Variants in SMYD3 observed in about 807,000 individuals in gnomAD.
SMYD3 encodes the protein histone-lysine N-methyltransferase SMYD3.
In SMYD3, 36 loss-of-function variants were observed where a neutral mutation model predicts 57.7. The ratio of observed to expected loss-of-function variants is 0.62; its 90% confidence interval spans 0.48 to 0.82. The LOEUF is 0.82. Among genes scored for constraint, SMYD3 ranks in the 40% least tolerant of loss-of-function variants. SMYD3 has a pLI of 0.00. For synonymous variants in SMYD3, 211 were observed against 195.0 expected, an observed-to-expected ratio of 1.08 and a Z score of -0.68; for missense variants, 515 against 538.8, an observed-to-expected ratio of 0.96 and a Z score of 0.44.
intron 5 of SMYD3, among the ~76,000 whole-genome samples, chr1:246,272,121 G>A (rs1209648957): frequency 6.6e-6 from 1 of 152,148 alleles, no homozygotes; most frequent in African/African-American, 2.4e-5. Context: ...GGATTTTTGT[G>A]TATTCACGTT....
rs371607928 is a variant in SMYD3, at chr1:246,320,118, G to A, written c.531+7083C>T. ...CGTATTGTGAATTGGTAAGATTCTCGTTTTAACACCTTCACAGCTTCTCCA... is the reference window on the plus strand; with the variant it reads ...CGTATTGTGAATTGGTAAGATTCTCATTTTAACACCTTCACAGCTTCTCCA... On this transcript the variant is annotated intron_variant, in intron 5 of 11. Transcript: ENST00000490107. Among the ~76,000 whole-genome samples, 4 of 151,662 alleles carry A rather than the reference G, an allele frequency of 2.6e-5. 1 individual carries two copies. Among genetic ancestry groups the A allele is most frequent in the Admixed American group, 1.3e-4 (2 of 15,220 alleles).
At chr1:246,305,278 G>A (rs895999508) in intron 5 of SMYD3, among the ~76,000 whole-genome samples, 1 of 152,078 alleles carries the variant, frequency 6.6e-6, no homozygotes, top group Non-Finnish European at 1.5e-5. Context: ...ATACAGAATC[G>A]CTTCCAGAAA....
At chr1:245,767,482 T>C (rs75404452) in intron 10 of SMYD3, among the ~76,000 whole-genome samples, 3 of 152,192 alleles carry the variant, frequency 2.0e-5, no homozygotes, top group Admixed American at 2.0e-4. Flanking sequence ...CTGGTCAATA[T>C]GGTGAAACCC....
intron 5 of SMYD3, among the ~76,000 whole-genome samples, chr1:246,295,823 T>A (rs2064782762): frequency 6.6e-6 from 1 of 152,030 alleles, no homozygotes; most frequent in Admixed American, 6.5e-5. Flanking sequence ...GAAAAATAAA[T>A]CGTTAAACAA....
intron 10 of SMYD3, among the ~76,000 whole-genome samples, chr1:245,843,604 CA>C (rs546991991): frequency 1.6e-3 from 233 of 150,186 alleles, no homozygotes; most frequent in African/African-American, 5.6e-3. Flanking sequence ...ATATGTGAAA[CA>C]AAGTAACATC....
chr1:245,855,680 G>A (rs1241086289), intron 10 of SMYD3, among the ~76,000 whole-genome samples: 1 of 152,156 alleles, frequency 6.6e-6, no homozygotes, highest in Non-Finnish European at 1.5e-5. Flanking sequence ...AAACATGAAG[G>A]ATGTAATGTT....
chr1:246,091,658 C>T (rs368421696), intron 5 of SMYD3, among the ~76,000 whole-genome samples: 1 of 152,246 alleles, frequency 6.6e-6, no homozygotes, highest in East Asian at 1.9e-4. Flanking sequence ...CACATACTTG[C>T]GTGGTTTAGA....
intron 10 of SMYD3, among the ~76,000 whole-genome samples, chr1:245,849,486 C>A (rs970387404): frequency 2.0e-5 from 3 of 152,048 alleles, no homozygotes; most frequent in African/African-American, 4.8e-5. Context: ...AAAGGGGAGT[C>A]AGGTGGCACT....
At chr1:246,169,429 G>A (rs746331865) in intron 5 of SMYD3, among the ~76,000 whole-genome samples, 13 of 137,096 alleles carry the variant, frequency 9.5e-5, no homozygotes, top group Non-Finnish European at 1.7e-4. Flanking sequence ...TGTGAAAAGG[G>A]CAAAGCTTAA....
At chr1:245,801,933 G>C (rs1456483144) in intron 10 of SMYD3, among the ~76,000 whole-genome samples, 1 of 150,914 alleles carries the variant, frequency 6.6e-6, no homozygotes, top group African/African-American at 2.4e-5. Flanking sequence ...AAAAACCTTT[G>C]AGTAATGTCA....
At chr1:246,138,957 A>G (rs2061708795) in intron 5 of SMYD3, among the ~76,000 whole-genome samples, 1 of 152,158 alleles carries the variant, frequency 6.6e-6, no homozygotes, top group South Asian at 2.1e-4. Flanking sequence ...ACAATCAGTC[A>G]CAGCAGCCAC....
At chr1:245,874,223 G>C (rs1361797187) in intron 8 of SMYD3, among the ~76,000 whole-genome samples, 1 of 152,134 alleles carries the variant, frequency 6.6e-6, no homozygotes, top group South Asian at 2.1e-4. Flanking sequence ...GCCAAACCAA[G>C]AATTTGACAA....
At chr1:246,110,080 T>C (rs979395791) in intron 5 of SMYD3, among the ~76,000 whole-genome samples, 2 of 152,224 alleles carry the variant, frequency 1.3e-5, no homozygotes, top group Admixed American at 1.3e-4. Flanking sequence ...CATTTGGCAA[T>C]GTACACTTAC....
rs561351984 is a variant in SMYD3 at position 246,363,749 on chromosome 1, T to A, written c.165-8655A>T. 3.9e-3 allele frequency among the ~76,000 whole-genome samples: 585 copies of A among 151,878 alleles called. 4 individuals carry two copies. Among genetic ancestry groups the A allele is most frequent in the Non-Finnish European group, 6.4e-3 (435 of 67,940 alleles). ...CATGCTCGTTAAGAGTCATCACCAC[T>A]CCCTAATCTCAAGTACCCAGGGACA... is the stretch of plus-strand genomic sequence containing the variant. On this transcript the variant is annotated intron_variant, in intron 1 of 11. Coordinates refer to ENST00000490107, the MANE Select transcript of SMYD3 (RefSeq NM_001167740.2).
In SMYD3 at chr1:246,188,617, A is replaced by C. The variant is rs557656212; in HGVS notation, c.531+138584T>G. ...ATTTGTGGTTGACATTTTTTTTTTT[A>C]ATATCTATGTTAAGAACTCGATTAT... On this transcript the variant is annotated intron_variant, in intron 5 of 11. Coordinates refer to ENST00000490107, the MANE Select transcript of SMYD3 (RefSeq NM_001167740.2). 2.1e-4 allele frequency among the ~76,000 whole-genome samples: 32 copies of C among 151,170 alleles called. No individual in the cohort carries two copies. The East Asian group carries it at 5.4e-3, about 26-fold the overall frequency.
chr1:245,755,505 C>T (rs1208621229), intron 11 of SMYD3, among the ~76,000 whole-genome samples: 4 of 152,132 alleles, frequency 2.6e-5, no homozygotes, highest in South Asian at 2.1e-4. Context: ...CTGTGCTTGT[C>T]TATTTGCTCA....
chr1:245,986,534 A>G (rs1376270486), intron 5 of SMYD3, among the ~76,000 whole-genome samples: 1 of 152,252 alleles, frequency 6.6e-6, no homozygotes, highest in Non-Finnish European at 1.5e-5. Flanking sequence ...TGCCATAAAC[A>G]AAATTACATA....
At chr1:246,139,854 G>C (rs1004057691) in intron 5 of SMYD3, among the ~76,000 whole-genome samples, 8 of 152,170 alleles carry the variant, frequency 5.3e-5, no homozygotes, top group Non-Finnish European at 7.3e-5. Context: ...GCTGATCTAA[G>C]CTTTTAAATA....
At position 245,836,433 on chromosome 1, in the gene SMYD3, G is replaced by A. The variant is rs925996284; in HGVS notation, c.1076+22063C>T. ...GGGCTGGCCATAGGGAGCCGTCTTC[G>A]TGCAAGGCAAGTTCTTGAGAGAGGA... is the stretch of plus-strand genomic sequence containing the variant. On this transcript the variant is annotated intron_variant, in intron 10 of 11. Transcript: ENST00000490107. Among the ~76,000 whole-genome samples, 10 of 152,192 alleles carry A rather than the reference G, an allele frequency of 6.6e-5. No homozygotes were observed. In the East Asian group the frequency reaches 9.6e-4, roughly 15 times the overall value.
Sources: gnomAD v4.1 joint callset for allele counts (sites outside exome capture counted in the v4.1 genomes callset) on GRCh38, gnomAD v4.1.1 for gene constraint, MANE v1.5 for transcripts, NCBI Gene and HGNC (gene_info 2026-07-23, HGNC 2026-07-21) for gene names.